FAM117A: variants seen among roughly 807,000 people sequenced by gnomAD.
The protein encoded by FAM117A is protein FAM117A.
FAM117A carries 21 observed loss-of-function variants against 44.1 expected under a neutral mutation model. The observed-to-expected ratio is 0.48, with a 90% confidence interval of 0.34 to 0.69. FAM117A has a LOEUF of 0.69. FAM117A is among the 30% of genes least tolerant of loss of function. FAM117A has a pLI of 0.01. For missense variants in FAM117A, 498 were observed against 589.9 expected (o/e 0.84, Z 1.61); for synonymous variants, 220 against 238.3 (o/e 0.92, Z 0.71).
intron 6 of FAM117A, among the ~76,000 whole-genome samples, chr17:49,716,957 G>C (rs946445403): frequency 1.3e-5 from 2 of 152,094 alleles, no homozygotes; most frequent in Non-Finnish European, 2.9e-5. Flanking sequence ...AATCAAATCA[G>C]ACAACATAGG....
intron 1 of FAM117A, among the ~76,000 whole-genome samples, chr17:49,758,203 G>C (rs576737541): frequency 6.6e-6 from 1 of 151,896 alleles, no homozygotes. Context: ...ATGGTGGTGC[G>C]TGCCTGTAAT....
intron 1 of FAM117A, among the ~76,000 whole-genome samples, chr17:49,750,983 G>C (rs1444585358): frequency 1.3e-5 from 2 of 151,962 alleles, no homozygotes; most frequent in Non-Finnish European, 2.9e-5. Context: ...GAAATAAGTA[G>C]GAAAGAAAGG....
At chr17:49,783,553 G>A (rs79041579) in intron 1 of FAM117A, among the ~76,000 whole-genome samples, 22,176 of 152,090 alleles carry the variant, frequency 0.15, 2,134 homozygotes, top group Non-Finnish European at 0.2. Flanking sequence ...GGCTGCGGGT[G>A]GGGGCTAAGG....
At chr17:49,768,899 C>A (rs539629834), upstream of FAM117A, among the ~76,000 whole-genome samples, 2 of 152,214 alleles carry the variant, frequency 1.3e-5, no homozygotes, top group African/African-American at 2.4e-5. Flanking sequence ...TTAGCTCTCT[C>A]ACTTGTTCCT....
upstream of FAM117A, among the ~76,000 whole-genome samples, chr17:49,766,222 C>T (rs1289035957): frequency 6.6e-6 from 1 of 152,184 alleles, no homozygotes; most frequent in African/African-American, 2.4e-5. Context: ...CTCCTGATCT[C>T]TATGAGTGTA....
chr17:49,788,802 C>G (rs374568788), upstream of FAM117A: 22 of 1,577,132 alleles, frequency 1.4e-5, no homozygotes, highest in African/African-American at 2.2e-4. Flanking sequence ...CGCCGCTGCC[C>G]GAATCGGAAC....
chr17:49,767,919 A>T (rs1332427380), upstream of FAM117A, among the ~76,000 whole-genome samples: 2 of 152,158 alleles, frequency 1.3e-5, no homozygotes, highest in African/African-American at 4.8e-5. Context: ...AATAAAAAAA[A>T]AAAGTAGAAG....
intron 1 of FAM117A, among the ~76,000 whole-genome samples, chr17:49,781,199 T>G (rs2073788655): frequency 6.6e-6 from 1 of 152,144 alleles, no homozygotes; most frequent in Admixed American, 6.5e-5. Flanking sequence ...CACTCAAACT[T>G]AAGAAAATCA....
chr17:49,787,928 A>G (rs1598042738), intron 1 of FAM117A, among the ~76,000 whole-genome samples: 3 of 152,030 alleles, frequency 2.0e-5, no homozygotes, highest in South Asian at 4.2e-4. Context: ...AGCTTTTCTG[A>G]CTCTGGTACT....
At chr17:49,788,706 C>T (rs896093981), upstream of FAM117A, 7 of 992,854 alleles carry the variant, frequency 7.1e-6, no homozygotes, top group African/African-American at 8.5e-5. Flanking sequence ...CGCTGAGAGG[C>T]AGGAGGCACT....
intron 1 of FAM117A, among the ~76,000 whole-genome samples, chr17:49,776,866 G>A (rs1435543751): frequency 1.3e-5 from 2 of 152,172 alleles, no homozygotes; most frequent in African/African-American, 2.4e-5. Flanking sequence ...GAGACTTGAC[G>A]GAAGAGGGTG....
chr17:49,776,618 T>C (rs940020014), intron 1 of FAM117A, among the ~76,000 whole-genome samples: 7 of 152,142 alleles, frequency 4.6e-5, no homozygotes, highest in Non-Finnish European at 1.0e-4. Context: ...TAGGACCAAA[T>C]CCACTCCCTC....
At chr17:49,753,644 C>T (rs755913834) in intron 1 of FAM117A, among the ~76,000 whole-genome samples, 9 of 152,100 alleles carry the variant, frequency 5.9e-5, no homozygotes, top group Non-Finnish European at 1.2e-4. Context: ...GGTGAAACCC[C>T]GTTTCTATCA....
In FAM117A at chr17:49,722,588, G is replaced by C. The variant is rs1394421718; in HGVS notation, c.373C>G (p.Leu125Val). The change falls in exon 3 of 8, where the codon CTG becomes GTG. Residue 125 changes from leucine (L) to valine (V), a missense_variant. Leu to Val is a conservative substitution (Grantham distance 32, BLOSUM62 1). Coordinates refer to ENST00000240364, the MANE Select transcript of FAM117A (RefSeq NM_030802.4). ...TCACCTTCTAGCTCTTGCCAGGACA[G>C]GGGCGTCTGCAGGGAGAGAAACACA... is the stretch of plus-strand genomic sequence containing the variant. ...CTNDKATQTPLSWQELEGERA... is the reference protein window; with the variant it reads ...CTNDKATQTPVSWQELEGERA... 3 of 1,613,646 alleles carry C rather than the reference G, an allele frequency of 1.9e-6. No homozygotes were observed. Among genetic ancestry groups the C allele is most frequent in the Non-Finnish European group, 8.5e-7 (1 of 1,179,806 alleles).
At chr17:49,769,399 C>T (rs996958821) in intron 1 of FAM117A, among the ~76,000 whole-genome samples, 1 of 151,904 alleles carries the variant, frequency 6.6e-6, no homozygotes, top group African/African-American at 2.4e-5. Flanking sequence ...GGATCAGAGA[C>T]ATTAAAACTT....
chr17:49,717,776 T>G, intron 5 of FAM117A, 62 bp from the exon 6 acceptor site: 1 of 1,386,224 alleles, frequency 7.2e-7, no homozygotes, highest in Non-Finnish European at 9.9e-7. Context: ...AGCAGCACAG[T>G]GACCCCAAGG....
At chr17:49,781,314 A>G (rs2073788944) in intron 1 of FAM117A, among the ~76,000 whole-genome samples, 2 of 152,222 alleles carry the variant, frequency 1.3e-5, no homozygotes, top group South Asian at 4.1e-4. Flanking sequence ...TAAAATCGAA[A>G]GCACATTTGG....
chr17:49,771,920 T>C (rs1192789020), intron 1 of FAM117A, among the ~76,000 whole-genome samples: 1 of 152,160 alleles, frequency 6.6e-6, no homozygotes, highest in African/African-American at 2.4e-5. Flanking sequence ...CTACAATATA[T>C]CTTTGACACT....
intron 7 of FAM117A, among the ~76,000 whole-genome samples, chr17:49,712,146 AAAAAG>A (rs762150116): frequency 1.3e-5 from 2 of 152,156 alleles, no homozygotes; most frequent in Non-Finnish European, 2.9e-5. Flanking sequence ...ACTCCATCTC[AAAAAG>A]AAAAGAAAAG....
Sources: gnomAD v4.1 joint callset for allele counts (sites outside exome capture counted in the v4.1 genomes callset) on GRCh38, gnomAD v4.1.1 for gene constraint, MANE v1.5 for transcripts, NCBI Gene and HGNC (gene_info 2026-07-23, HGNC 2026-07-21) for gene names.